The following LINGO2 variants were observed in gnomAD, a reference collection of about 807,000 sequenced individuals.
LINGO2 encodes the protein leucine rich repeat and Ig domain containing 2.
In LINGO2, 14 loss-of-function variants were observed where a neutral mutation model predicts 30.6. That is an observed-to-expected ratio of 0.46 (90% CI 0.30 to 0.72). LINGO2 has a LOEUF of 0.72. Ranked by LOEUF, LINGO2 falls within the 30% of genes least tolerant of loss-of-function variation. The pLI is 0.07. For synonymous variants in LINGO2, 317 were observed against 288.5 expected (o/e 1.10, Z -1.00); for missense variants, 729 against 751.7 (o/e 0.97, Z 0.35).
At chr9:28,334,890 G>A (rs1825539795) in intron 3 of LINGO2, among the ~76,000 whole-genome samples, 1 of 152,204 alleles carries the variant, frequency 6.6e-6, no homozygotes, top group African/African-American at 2.4e-5. Flanking sequence ...CAGAATTCAG[G>A]CACAAAGACA....
chr9:29,130,298 T>C, the LINGO2 span, among the ~76,000 whole-genome samples: 3 of 152,056 alleles, frequency 2.0e-5, no homozygotes, highest in Non-Finnish European at 4.4e-5. Context: ...TTAAAGAAAA[T>C]AATTCCCTGG....
At chr9:29,145,542 C>T in the LINGO2 span, among the ~76,000 whole-genome samples, 1 of 148,496 alleles carries the variant, frequency 6.7e-6, no homozygotes, top group Admixed American at 6.7e-5. Context: ...CTGTAAATGC[C>T]ATATTCATGA....
At chr9:28,971,629 C>T in the LINGO2 span, among the ~76,000 whole-genome samples, 16 of 152,320 alleles carry the variant, frequency 1.1e-4, no homozygotes, top group African/African-American at 3.8e-4. Flanking sequence ...CTGCAATTTA[C>T]AATAGAACAC....
intron 3 of LINGO2, among the ~76,000 whole-genome samples, chr9:28,309,658 T>A (rs928535019): frequency 4.0e-5 from 6 of 151,412 alleles, no homozygotes; most frequent in African/African-American, 1.5e-4. Context: ...TTTAAAAAAA[T>A]TGATAAATTT....
At chr9:28,235,760 G>T (rs1296533726) in intron 4 of LINGO2, among the ~76,000 whole-genome samples, 2 of 152,222 alleles carry the variant, frequency 1.3e-5, no homozygotes, top group East Asian at 3.9e-4. Flanking sequence ...TAGTGAGTTT[G>T]AAAACAGGCT....
chr9:28,328,679 A>T (rs4879191), intron 3 of LINGO2, among the ~76,000 whole-genome samples: 110,487 of 152,060 alleles, frequency 0.73, 40,302 homozygotes, highest in East Asian at 0.79. Flanking sequence ...GAAAGCCATA[A>T]TGTGCCAAAT....
At chr9:28,220,637 T>G (rs4546742) in intron 4 of LINGO2, among the ~76,000 whole-genome samples, 113,933 of 152,044 alleles carry the variant, frequency 0.75, 42,981 homozygotes, top group East Asian at 0.83. Flanking sequence ...TCATTTGGTG[T>G]GTTGGTTACA....
At chr9:28,821,358 C>T in the LINGO2 span, among the ~76,000 whole-genome samples, 1 of 152,134 alleles carries the variant, frequency 6.6e-6, no homozygotes, top group Non-Finnish European at 1.5e-5. Flanking sequence ...AAAAGCTGGG[C>T]TGAAAGATTA....
chr9:28,270,780 G>A (rs1822911516), intron 4 of LINGO2, among the ~76,000 whole-genome samples: 1 of 151,976 alleles, frequency 6.6e-6, no homozygotes. Context: ...AGCTTACTGT[G>A]TACCAAACAT....
At chr9:28,718,293 T>C in the LINGO2 span, among the ~76,000 whole-genome samples, 1 of 151,980 alleles carries the variant, frequency 6.6e-6, no homozygotes, top group Non-Finnish European at 1.5e-5. Flanking sequence ...AGATACTTGA[T>C]GGGCCAGCTC....
chr9:28,976,074 A>T, the LINGO2 span, among the ~76,000 whole-genome samples: 2 of 152,124 alleles, frequency 1.3e-5, no homozygotes, highest in African/African-American at 4.8e-5. Flanking sequence ...TTTTTCTCCC[A>T]TTACCTACTT....
intron 2 of LINGO2, among the ~76,000 whole-genome samples, chr9:28,420,390 T>C (rs1823145739): frequency 6.6e-6 from 1 of 152,036 alleles, no homozygotes; most frequent in Non-Finnish European, 1.5e-5. Context: ...ATATAGTTTT[T>C]AATTTAAACT....
intron 2 of LINGO2, among the ~76,000 whole-genome samples, chr9:28,444,305 G>A (rs1824323857): frequency 6.6e-6 from 1 of 152,192 alleles, no homozygotes; most frequent in Admixed American, 6.5e-5. Context: ...CAGACTTTGG[G>A]GTTCCCAAAA....
At chr9:28,323,908 T>C (rs1437791471) in intron 3 of LINGO2, among the ~76,000 whole-genome samples, 1 of 152,116 alleles carries the variant, frequency 6.6e-6, no homozygotes, top group Non-Finnish European at 1.5e-5. Context: ...AAAATACTAA[T>C]AGTTGATAAG....
At chr9:28,449,001 C>T (rs957662651) in intron 2 of LINGO2, among the ~76,000 whole-genome samples, 4 of 148,056 alleles carry the variant, frequency 2.7e-5, no homozygotes, top group Non-Finnish European at 6.0e-5. Flanking sequence ...CTGTTGGCAA[C>T]GACAATCCAT....
intron 1 of LINGO2, among the ~76,000 whole-genome samples, chr9:28,487,784 C>T (rs1360340660): frequency 6.6e-6 from 1 of 152,096 alleles, no homozygotes; most frequent in Non-Finnish European, 1.5e-5. Context: ...TTAAATACAG[C>T]TGCAGCCATT....
chr9:28,223,960 T>C (rs1408681634), intron 4 of LINGO2, among the ~76,000 whole-genome samples: 1 of 152,210 alleles, frequency 6.6e-6, no homozygotes, highest in Non-Finnish European at 1.5e-5. Context: ...GTAATTATAT[T>C]GACTGGGTTG....
rs576799400 is a variant in LINGO2 at position 28,104,210 on chromosome 9, G to A, written c.-86-91805C>T. Among the ~76,000 whole-genome samples, 38 of 141,820 alleles carry A rather than the reference G, an allele frequency of 2.7e-4. No individual in the cohort carries two copies. In the East Asian group the frequency reaches 6.9e-3, roughly 26 times the overall value. The allele number at this position is 141,820 out of a possible 152,430, so 93.0% of individuals were successfully genotyped here. On this transcript the variant is annotated intron_variant, in intron 4 of 5. Transcript: ENST00000379992. ...GTAAAGAAGAAAAGCTGCCTTAACT[G>A]TATGAGAAGAGTAAGGAGTAGGGAT...
chr9:28,396,971 C>G (rs1351992151), intron 2 of LINGO2, among the ~76,000 whole-genome samples: 1 of 152,016 alleles, frequency 6.6e-6, no homozygotes, highest in Non-Finnish European at 1.5e-5. Flanking sequence ...GATGATTTTG[C>G]AAGTATTTTC....
Sources: gnomAD v4.1 joint callset for allele counts (sites outside exome capture counted in the v4.1 genomes callset) on GRCh38, gnomAD v4.1.1 for gene constraint, MANE v1.5 for transcripts, NCBI Gene and HGNC (gene_info 2026-07-23, HGNC 2026-07-21) for gene names.